Variants in IQCJ observed in about 807,000 individuals in gnomAD.
IQCJ encodes IQ motif containing J.
A neutral mutation model predicts 11.0 loss-of-function variants in IQCJ; 9 were observed. The ratio of observed to expected loss-of-function variants is 0.82; its 90% confidence interval spans 0.49 to 1.43. The LOEUF is 1.43. Ranked by LOEUF, IQCJ falls within the 40% of genes most tolerant of loss-of-function variation. The pLI is 0.00. For missense variants in IQCJ, 146 were observed against 133.2 expected, an observed-to-expected ratio of 1.10 and a Z score of -0.47; for synonymous variants, 55 against 51.3, an observed-to-expected ratio of 1.07 and a Z score of -0.31.
At chr3:159,156,804 C>T (rs1361120556) in intron 1 of IQCJ, among the ~76,000 whole-genome samples, 3 of 152,102 alleles carry the variant, frequency 2.0e-5, no homozygotes, top group Non-Finnish European at 4.4e-5. Context: ...CATGCAAAAA[C>T]CAGTGCCCCA....
At chr3:159,112,281 A>G (rs1347278914) in intron 1 of IQCJ, among the ~76,000 whole-genome samples, 1 of 151,734 alleles carries the variant, frequency 6.6e-6, no homozygotes, top group African/African-American at 2.4e-5. Context: ...CCATTTGTTT[A>G]TTTTTCTGCC....
At chr3:159,261,183 G>A (rs1001585960) in intron 3 of IQCJ, among the ~76,000 whole-genome samples, 1 of 152,166 alleles carries the variant, frequency 6.6e-6, no homozygotes, top group Non-Finnish European at 1.5e-5. Context: ...CATAGGTTGT[G>A]TGTGAAAGAA....
Position 159,204,109 on chromosome 3 carries a change from G to A in IQCJ, c.10-41734G>A, listed in dbSNP as rs368605075. 2.1e-4 allele frequency among the ~76,000 whole-genome samples: 32 copies of A among 152,296 alleles called. No homozygotes were observed. In the South Asian group the frequency reaches 6.4e-3, roughly 31 times the overall value. ...CTATGAAAGGCTGGACTCCATTTAT[G>A]AGGCAATGAAATAGTTATCTACTGC... On this transcript the variant is annotated intron_variant, in intron 1 of 3. Transcript: ENST00000397832.
chr3:159,215,961 A>T (rs1419055481), intron 1 of IQCJ, among the ~76,000 whole-genome samples: 1 of 151,938 alleles, frequency 6.6e-6, no homozygotes. Context: ...CTTACATTAT[A>T]TTAGGAAATG....
intron 1 of IQCJ, among the ~76,000 whole-genome samples, chr3:159,194,061 G>A (rs1006287205): frequency 6.6e-6 from 1 of 152,174 alleles, no homozygotes; most frequent in Non-Finnish European, 1.5e-5. Context: ...ATGGTCATAG[G>A]TCTTTTGGGG....
chr3:159,155,732 T>A (rs1000210731), intron 1 of IQCJ, among the ~76,000 whole-genome samples: 1 of 152,208 alleles, frequency 6.6e-6, no homozygotes, highest in Admixed American at 6.5e-5. Flanking sequence ...TTTTAAAGGA[T>A]TGTAGAAACT....
intron 1 of IQCJ, among the ~76,000 whole-genome samples, chr3:159,193,203 C>T (rs1007029302): frequency 6.6e-6 from 1 of 152,180 alleles, no homozygotes; most frequent in African/African-American, 2.4e-5. Context: ...AAACCAAGAC[C>T]TACAGACCTA....
At chr3:159,187,909 A>G (rs1165362559) in intron 1 of IQCJ, among the ~76,000 whole-genome samples, 2 of 152,062 alleles carry the variant, frequency 1.3e-5, no homozygotes, top group Non-Finnish European at 1.5e-5. Flanking sequence ...TTTTAAACCA[A>G]TCACTGTGGC....
At chr3:159,190,554 A>G (rs191925477) in intron 1 of IQCJ, among the ~76,000 whole-genome samples, 1 of 152,290 alleles carries the variant, frequency 6.6e-6, no homozygotes, top group Non-Finnish European at 1.5e-5. Flanking sequence ...GCCTTGTTGC[A>G]TTTGACAGGA....
At chr3:159,156,464 C>A in intron 1 of IQCJ, among the ~76,000 whole-genome samples, 1 of 152,218 alleles carries the variant, frequency 6.6e-6, no homozygotes, top group South Asian at 2.1e-4. Flanking sequence ...CTGTATGGCA[C>A]GTTCCAAGAG....
At chr3:159,094,952 G>T (rs1434480689) in intron 1 of IQCJ, among the ~76,000 whole-genome samples, 1 of 151,818 alleles carries the variant, frequency 6.6e-6, no homozygotes, top group Middle Eastern at 3.2e-3. Context: ...GCTGCCTCAT[G>T]AGAACATTCA....
At chr3:159,166,555 C>T (rs1234614570) in intron 1 of IQCJ, among the ~76,000 whole-genome samples, 1 of 152,176 alleles carries the variant, frequency 6.6e-6, no homozygotes, top group Non-Finnish European at 1.5e-5. Flanking sequence ...CTCCTTTACT[C>T]CCCCAAATAA....
At chr3:159,230,301 G>A (rs904280311) in intron 1 of IQCJ, among the ~76,000 whole-genome samples, 9 of 152,238 alleles carry the variant, frequency 5.9e-5, no homozygotes, top group East Asian at 5.8e-4. Flanking sequence ...CTGATGGGCA[G>A]CTAGGTTAAT....
chr3:159,105,462 G>T (rs1455230176), intron 1 of IQCJ, among the ~76,000 whole-genome samples: 1 of 152,228 alleles, frequency 6.6e-6, no homozygotes, highest in Non-Finnish European at 1.5e-5. Flanking sequence ...AGGACACAAT[G>T]GTAGGGGTAA....
intron 1 of IQCJ, among the ~76,000 whole-genome samples, chr3:159,193,795 C>T (rs974496141): frequency 1.3e-5 from 2 of 152,090 alleles, no homozygotes; most frequent in African/African-American, 2.4e-5. Context: ...CACTGGCAGG[C>T]GGGACGTTGG....
chr3:159,196,979 C>G (rs931840252), intron 1 of IQCJ, among the ~76,000 whole-genome samples: 2 of 152,068 alleles, frequency 1.3e-5, no homozygotes, highest in African/African-American at 4.8e-5. Context: ...CCACCCACCC[C>G]CCAAAGATGA....
intron 1 of IQCJ, among the ~76,000 whole-genome samples, chr3:159,188,635 C>CT (rs1470700396): frequency 6.6e-6 from 1 of 152,094 alleles, no homozygotes; most frequent in Non-Finnish European, 1.5e-5. Flanking sequence ...GGCCTGTACT[C>CT]TAAGATTTTA....
chr3:159,137,023 G>A (rs1307731013), intron 1 of IQCJ, among the ~76,000 whole-genome samples: 2 of 152,094 alleles, frequency 1.3e-5, no homozygotes, highest in Non-Finnish European at 1.5e-5. Flanking sequence ...CAGCACTTTG[G>A]GAGACTGAAG....
chr3:159,197,004 C>A (rs1444549708), intron 1 of IQCJ, among the ~76,000 whole-genome samples: 2 of 150,878 alleles, frequency 1.3e-5, no homozygotes, highest in East Asian at 2.0e-4. Flanking sequence ...AAATGTTGAT[C>A]ATTTTCTGTA....
Sources: gnomAD v4.1 joint callset for allele counts (sites outside exome capture counted in the v4.1 genomes callset) on GRCh38, gnomAD v4.1.1 for gene constraint, MANE v1.5 for transcripts, NCBI Gene and HGNC (gene_info 2026-07-23, HGNC 2026-07-21) for gene names.